The following GFI1 variants were observed in gnomAD, a reference collection of about 807,000 sequenced individuals.
The protein encoded by GFI1 is zinc finger protein Gfi-1.
Under a neutral mutation model 39.2 loss-of-function variants are expected in GFI1, and 15 were observed. The observed-to-expected ratio is 0.38, with a 90% CI of 0.26 to 0.59. The LOEUF (loss-of-function observed/expected upper bound fraction) is 0.59, where lower values mean the gene tolerates loss of function less well. GFI1 is among the 20% of genes least tolerant of loss of function. The probability of loss-of-function intolerance (pLI) is 0.62; values close to 1 mark genes in which losing one functional copy is unlikely to be tolerated. For missense variants in GFI1, 475 were observed against 574.0 expected (o/e 0.83, Z 1.76); for synonymous variants, 239 against 254.3 (o/e 0.94, Z 0.57).
chr1:92,473,538 C>T lies in GFI1; in HGVS notation c.*2491G>A, dbSNP rs950433231. ...ATCTTAAACTCCATTACAGAGTAAA[C>T]GAATTTAAATTCTGAATGAGAGTAA... On this transcript the variant is annotated 3_prime_UTR_variant, in exon 7 of 7. Transcript: ENST00000294702. Among the ~76,000 whole-genome samples, 6 of 152,194 alleles carry T rather than the reference C, an allele frequency of 3.9e-5. No individual in the cohort carries two copies. The highest frequency in any genetic ancestry group is 3.9e-4 in the East Asian group (2 of 5,184).
rs1658426058 is a variant in GFI1 at position 92,484,235 on chromosome 1, GAAC to G, written c.-99-652_-99-650del. On this transcript the variant is annotated intron_variant, in intron 1 of 6. Transcript: ENST00000294702. This position sits in a 1 kb window ranked among gnomAD's most constrained non-coding sequence, Gnocchi z 4.1. ...GAGCAAAGGGACAGGAAAGTGAGGG[GAAC>G]AACAGACGACCAACCCCCGCCCCAG... Among the ~76,000 whole-genome samples, 2 of 152,152 alleles carry G rather than the reference GAAC, an allele frequency of 1.3e-5. No individual in the cohort carries two copies. Among genetic ancestry groups the G allele is most frequent in the African/African-American group, 4.8e-5 (2 of 41,442 alleles).
rs1184904073 is a variant in GFI1, at chr1:92,480,859, G to A, written c.528C>T (p.Gly176=). 3.4e-6 allele frequency: 5 copies of A among 1,456,666 alleles called. No individual in the cohort carries two copies. The highest frequency in any genetic ancestry group is 4.5e-6 in the Non-Finnish European group (5 of 1,109,996). The allele number at this position is 1,456,666 out of a possible 1,614,324, so 90.2% of individuals were successfully genotyped here. A position where few individuals can be genotyped will look rare whatever the true frequency, so the allele number is the denominator to read the frequency against. Reference sequence around the variant, plus strand: ...AGCTCCCTGGCGCCCCGGCCCCCGCGCCGCCGGCAGCCCGCTTCGGGCCGT... The same window carrying A: ...AGCTCCCTGGCGCCCCGGCCCCCGCACCGCCGGCAGCCCGCTTCGGGCCGT... ...ALYGPKRAAG[G]AGAGAPGSCS... Residue 176 remains glycine, a synonymous_variant, in exon 4 of 7, where the codon GGC becomes GGT. Transcript: ENST00000294702. This position sits in a 1 kb window ranked among gnomAD's most constrained non-coding sequence, Gnocchi z 5.6.
In GFI1 at chr1:92,481,693, A is replaced by G. The variant is rs1347362747; in HGVS notation, c.299-605T>C. On this transcript the variant is annotated intron_variant, in intron 3 of 6. Transcript: ENST00000294702. This position sits in a 1 kb window ranked among gnomAD's most constrained non-coding sequence, Gnocchi z 4.3. ...ACGAAGTTAAGTGCCCAGTGTACGT[A>G]GCAAAGGAGCAGCAGGAAAGGGGCT... Among the ~76,000 whole-genome samples the G allele has an allele frequency of 6.6e-6, 1 of 152,196 alleles. No homozygotes were observed. Among genetic ancestry groups the G allele is most frequent in the Admixed American group, 6.5e-5 (1 of 15,274 alleles).
chr1:92,485,577 C>G (rs967075052), intron 1 of GFI1, among the ~76,000 whole-genome samples: 3 of 152,140 alleles, frequency 2.0e-5, no homozygotes, highest in African/African-American at 7.2e-5. Context: ...ATAGGGGCCC[C>G]GGGGCCTGGG....
Position 92,481,106 on chromosome 1 carries a change from G to C in GFI1, c.299-18C>G. On this transcript the variant is annotated intron_variant, in intron 3 of 6. Transcript: ENST00000294702. The surrounding 1 kb of genome is among the most constrained non-coding windows in gnomAD (Gnocchi z 4.3). ...CTCCGAGGCTGTGGAGGCACAAGGG[G>C]AGCGTCCGGTCAGGCTTCAGACGGC... 6.2e-7 allele frequency: 1 copy of C among 1,603,990 alleles called. No homozygotes were observed. The highest frequency in any genetic ancestry group is 8.5e-7 in the Non-Finnish European group (1 of 1,174,202).
At position 92,483,419 on chromosome 1, in the gene GFI1, T is replaced by C. The variant is rs369812626; in HGVS notation, c.69A>G (p.Pro23=). 14 of 1,613,452 alleles carry C rather than the reference T, an allele frequency of 8.7e-6. No homozygotes were observed. Among genetic ancestry groups the C allele is most frequent in the African/African-American group, 2.7e-5 (2 of 74,928 alleles). ...HSYHQPRSPG[P]DYSLRLENVP... ...CATTCTCTAAACGGAGGGAATAGTC[T>C]GGTCCTGGGGAGCGCGGCTGGTGGT... Residue 23 remains proline, a synonymous_variant, in exon 2 of 7, where the codon CCA becomes CCG. Transcript: ENST00000294702.
rs755193129 is a variant in GFI1 at position 92,480,615 on chromosome 1, T to C, written c.772A>G (p.Ile258Val). 4.6e-5 allele frequency: 72 copies of C among 1,564,812 alleles called. No individual in the cohort carries two copies. Among genetic ancestry groups the C allele is most frequent in the South Asian group, 3.7e-4 (32 of 86,060 alleles). ...LLLGGGSYKC[I>V]KCSKVFSTPH... is the part of the protein sequence containing the mutation. The stretch of plus-strand genomic sequence containing the variant: ...GGGAGCCTCACCTTGCTGCACTTGA[T>C]GCACTTGTAGGAGCCGCCGCCCAGC... Residue 258 changes from isoleucine to valine, a missense_variant, in exon 4 of 7, where the codon ATC (isoleucine) becomes GTC (valine). This residue lies in a region of GFI1 where 79 missense variants were observed against 68.4 expected (regional missense o/e 1.15). Coordinates refer to ENST00000294702, the MANE Select transcript of GFI1 (RefSeq NM_005263.5). This position sits in a 1 kb window ranked among gnomAD's most constrained non-coding sequence, Gnocchi z 5.6.
intron 5 of GFI1, 25 bp from the exon 6 acceptor site, chr1:92,478,778 A>AGAGAGT (rs1182767818): frequency 6.2e-7 from 1 of 1,610,596 alleles, no homozygotes; most frequent in East Asian, 2.2e-5. Context: ...AGAGAGAGAG[A>AGAGAGT]GAGAGAGAGA....
In GFI1 at chr1:92,480,222, G is replaced by A; in HGVS notation, c.924+126C>T. The A allele has an allele frequency of 9.2e-7, 1 of 1,087,270 alleles. No individual in the cohort carries two copies. Among genetic ancestry groups the A allele is most frequent in the Non-Finnish European group, 1.3e-6 (1 of 744,006 alleles). The allele number at this position is 1,087,270 out of a possible 1,614,324, so 67.4% of individuals were successfully genotyped here. A position where few individuals can be genotyped will look rare whatever the true frequency, so the allele number is the denominator to read the frequency against. Reference sequence around the variant, plus strand: ...CCAGGGCAAGGGGACGCAGCGGAGGGCTTGGGGGAGGAAACTGGGGGAAGT... The same window carrying A: ...CCAGGGCAAGGGGACGCAGCGGAGGACTTGGGGGAGGAAACTGGGGGAAGT... On this transcript the variant is annotated intron_variant, in intron 5 of 6. Transcript: ENST00000294702. The surrounding 1 kb of genome is among the most constrained non-coding windows in gnomAD (Gnocchi z 5.6).
At position 92,478,552 on chromosome 1, in the gene GFI1, G is replaced by T. The variant is rs765560374; in HGVS notation, c.1090+36C>A. On this transcript the variant is annotated intron_variant, in intron 6 of 6. Transcript: ENST00000294702. ...AGAAGATGAGTAATGTTGGCCTCAGGGTGTTTCCTACAAGCCAAGGGCCTT... is the reference window on the plus strand; with the variant it reads ...AGAAGATGAGTAATGTTGGCCTCAGTGTGTTTCCTACAAGCCAAGGGCCTT... 6.3e-6 allele frequency: 10 copies of T among 1,583,562 alleles called. No individual in the cohort carries two copies. The African/African-American group carries it at 1.2e-4, about 19-fold the overall frequency.
chr1:92,476,240 T>C (rs773436698), intron 6 of GFI1, 33 bp from the exon 7 acceptor site: 9 of 1,584,998 alleles, frequency 5.7e-6, no homozygotes, highest in African/African-American at 2.7e-5. Context: ...GGAGAAAGTA[T>C]GAGTCTATGA....
rs79020068 is a variant in GFI1 at position 92,479,936 on chromosome 1, T to G, written c.924+412A>C. 4.9e-3 allele frequency among the ~76,000 whole-genome samples: 740 copies of G among 152,082 alleles called. 5 individuals carry two copies. The highest frequency in any genetic ancestry group is 7.9e-3 in the Non-Finnish European group (538 of 67,962). ...TGAATATGCTACTAGATGCTCTAAA[T>G]GAGCTGAGATTCCTGCCTTTTCAGT... On this transcript the variant is annotated intron_variant, in intron 5 of 6. Transcript: ENST00000294702.
At position 92,478,604 on chromosome 1, in the gene GFI1, G is replaced by A. The variant is rs755765258; in HGVS notation, c.1074C>T (p.His358=). ...RFHQKSDMKK[H]TFIHTGEKPH... ...TTAGCTCACCAGTGTGGATGAAAGTGTGTTTCTTCATGTCTGACTTCTGGT... is the reference window on the plus strand; with the variant it reads ...TTAGCTCACCAGTGTGGATGAAAGTATGTTTCTTCATGTCTGACTTCTGGT... Residue 358 remains histidine (H), a synonymous_variant, in exon 6 of 7, where the codon CAC becomes CAT. Transcript: ENST00000294702. The A allele has an allele frequency of 8.1e-6, 13 of 1,613,956 alleles. No homozygotes were observed. In the South Asian group the frequency reaches 1.4e-4, roughly 18 times the overall value.
Position 92,480,587 on chromosome 1 carries a change from C to T in GFI1, c.786+14G>A. Reference sequence around the variant, plus strand: ...GGCGCACGGCAGGCGAGGTGGTGAGCTCGGGAGCCTCACCTTGCTGCACTT... The same window carrying T: ...GGCGCACGGCAGGCGAGGTGGTGAGTTCGGGAGCCTCACCTTGCTGCACTT... On this transcript the variant is annotated intron_variant, in intron 4 of 6. Transcript: ENST00000294702. This position sits in a 1 kb window ranked among gnomAD's most constrained non-coding sequence, Gnocchi z 5.6. The T allele has an allele frequency of 3.2e-6, 5 of 1,542,008 alleles. No individual in the cohort carries two copies. Among genetic ancestry groups the T allele is most frequent in the Non-Finnish European group, 4.4e-6 (5 of 1,147,092 alleles).
At position 92,481,779 on chromosome 1, in the gene GFI1, G is replaced by A. The variant is rs1234974375; in HGVS notation, c.299-691C>T. 6.6e-6 allele frequency among the ~76,000 whole-genome samples: 1 copy of A among 152,142 alleles called. No homozygotes were observed. The highest frequency in any genetic ancestry group is 2.4e-5 in the African/African-American group (1 of 41,416). The stretch of plus-strand genomic sequence containing the variant: ...CCTGTTACAGTTTGATGGAGGCGGG[G>A]AACCTGAATTTCTCAGAGAATAACT... On this transcript the variant is annotated intron_variant, in intron 3 of 6. Coordinates refer to ENST00000294702, the MANE Select transcript of GFI1 (RefSeq NM_005263.5). This position sits in a 1 kb window ranked among gnomAD's most constrained non-coding sequence, Gnocchi z 4.3.
At chr1:92,486,528 C>CG (rs1370123981) in intron 1 of GFI1, among the ~76,000 whole-genome samples, 198 bp downstream of exon 1, 2 of 146,274 alleles carry the variant, frequency 1.4e-5, no homozygotes, top group African/African-American at 5.1e-5. Flanking sequence ...CACCCGCCCC[C>CG]CCCACCCCCG....
At position 92,476,136 on chromosome 1, in the gene GFI1, G is replaced by A. The variant is rs763658393; in HGVS notation, c.1162C>T (p.Arg388Cys). Reference sequence around the variant, plus strand: ...AAGGGCTTGAAGCCTGTGTGTTTGCGGCTGTGGGTGATGAGGTTGGAGCTC... The same window carrying A: ...AAGGGCTTGAAGCCTGTGTGTTTGCAGCTGTGGGTGATGAGGTTGGAGCTC... ...SQSSNLITHS[R>C]KHTGFKPFGC... Residue 388 changes from arginine (R) to cysteine (C), a missense_variant, in exon 7 of 7, where the codon CGC (arginine) becomes TGC (cysteine). This residue lies in a region of GFI1 where 112 missense variants were observed against 202.8 expected (regional missense o/e 0.55). Transcript: ENST00000294702. The A allele has an allele frequency of 5.6e-6, 9 of 1,614,002 alleles. No individual in the cohort carries two copies. The highest frequency in any genetic ancestry group is 6.8e-6 in the Non-Finnish European group (8 of 1,179,958).
intron 6 of GFI1, among the ~76,000 whole-genome samples, chr1:92,478,302 G>C (rs1422869467): frequency 6.6e-6 from 1 of 152,162 alleles, no homozygotes; most frequent in Non-Finnish European, 1.5e-5. Flanking sequence ...GGCAGCAGGG[G>C]AAGCAGCTGC....
At chr1:92,478,791 G>GAGAGAT in intron 5 of GFI1, 38 bp from the exon 6 acceptor site, 3 of 1,457,258 alleles carry the variant, frequency 2.1e-6, no homozygotes, top group Non-Finnish European at 2.9e-6. Context: ...GAGAGAGAGA[G>GAGAGAT]AGATGCAGAA....
Sources: gnomAD v4.1 joint callset for allele counts (sites outside exome capture counted in the v4.1 genomes callset) on GRCh38, gnomAD v4.1.1 for gene constraint, gnomAD v4.1.1 regional missense constraint, Gnocchi (gnomAD v3.1) non-coding constraint, MANE v1.5 for transcripts, NCBI Gene and HGNC (gene_info 2026-07-23, HGNC 2026-07-21) for gene names.